HECW1: variants seen among roughly 807,000 people sequenced by gnomAD.
HECW1 encodes HECT, C2 and WW domain containing E3 ubiquitin protein ligase 1, also known as E3 ubiquitin-protein ligase HECW1.
In HECW1, 61 loss-of-function variants were observed where a neutral mutation model predicts 182.3. That is an observed-to-expected ratio of 0.33 (90% CI 0.27 to 0.41). HECW1 has a LOEUF of 0.41. Among genes scored for constraint, HECW1 ranks in the 10% least tolerant of loss-of-function variants. The pLI is 1.00. For synonymous variants in HECW1, 859 were observed against 832.6 expected, an observed-to-expected ratio of 1.03 and a Z score of -0.55; for missense variants, 1,739 against 2,108.9, an observed-to-expected ratio of 0.82 and a Z score of 3.44.
Position 43,500,798 on chromosome 7 carries a change from T to G in HECW1, c.3521+16T>G, listed in dbSNP as rs764585462. ...TTTTGCTGAGGTAGGGGGCTAGGCC[T>G]GAAATCCTTCTGGAAAAGCTTCCCT... is the stretch of plus-strand genomic sequence containing the variant. On this transcript the variant is annotated intron_variant, in intron 20 of 29. Transcript: ENST00000395891. 1 of 1,606,366 alleles carries G rather than the reference T, an allele frequency of 6.2e-7. No individual in the cohort carries two copies. The highest frequency in any genetic ancestry group is 1.1e-5 in the South Asian group (1 of 90,946).
At chr7:43,483,617 C>T (rs370269627) in intron 17 of HECW1, among the ~76,000 whole-genome samples, 38 of 146,330 alleles carry the variant, frequency 2.6e-4, no homozygotes, top group African/African-American at 8.6e-4. Flanking sequence ...GGTGCGATCT[C>T]GGCTCACTGC....
intron 2 of HECW1, among the ~76,000 whole-genome samples, chr7:43,143,843 T>C (rs1329710972): frequency 6.6e-6 from 1 of 152,182 alleles, no homozygotes. Context: ...AAGTTAGAAA[T>C]TTTTCCAGCT....
intron 2 of HECW1, among the ~76,000 whole-genome samples, chr7:43,157,947 C>T (rs1401050192): frequency 6.6e-6 from 1 of 152,192 alleles, no homozygotes; most frequent in African/African-American, 2.4e-5. Context: ...GGTCTGAGTC[C>T]TTGCTCCCCT....
intron 2 of HECW1, among the ~76,000 whole-genome samples, chr7:43,175,252 C>A (rs1304364564): frequency 4.6e-5 from 7 of 152,078 alleles, no homozygotes; most frequent in Non-Finnish European, 1.0e-4. Flanking sequence ...CGCACACTTA[C>A]CATTTTCTTG....
At chr7:43,190,682 C>T (rs13246891) in intron 2 of HECW1, among the ~76,000 whole-genome samples, 19,220 of 152,218 alleles carry the variant, frequency 0.13, 1,578 homozygotes, top group Non-Finnish European at 0.18. Flanking sequence ...ATGCTCTAAC[C>T]ATCCCAAATG....
intron 7 of HECW1, among the ~76,000 whole-genome samples, chr7:43,400,353 A>G (rs2075364543): frequency 6.6e-6 from 1 of 152,246 alleles, no homozygotes; most frequent in Non-Finnish European, 1.5e-5. Flanking sequence ...TCTGAGTATA[A>G]GAGCAGAGCT....
At chr7:43,307,911 T>G (rs1304574609) in intron 3 of HECW1, among the ~76,000 whole-genome samples, 1 of 138,846 alleles carries the variant, frequency 7.2e-6, no homozygotes, top group African/African-American at 2.7e-5. Flanking sequence ...TATATATATA[T>G]ATATATACAC....
At chr7:43,509,234 G>A in intron 24 of HECW1, 113 bp downstream of exon 24, 1 of 932,316 alleles carries the variant, frequency 1.1e-6, no homozygotes, top group Non-Finnish European at 1.6e-6. Context: ...CAGATGTTAT[G>A]AGGGATGAGA....
At chr7:43,550,696 CAGAG>C (rs1451227881) in intron 27 of HECW1, 105 bp downstream of exon 27, 1 of 1,203,574 alleles carries the variant, frequency 8.3e-7, no homozygotes, top group Admixed American at 2.2e-5. Context: ...GTGGTGAAAA[CAGAG>C]AGGGAGAGCC....
intron 6 of HECW1, among the ~76,000 whole-genome samples, chr7:43,376,438 T>G (rs1324917353): frequency 6.6e-6 from 1 of 152,174 alleles, no homozygotes; most frequent in Non-Finnish European, 1.5e-5. Context: ...CTCCAGGCCA[T>G]TGGACACCAT....
At position 43,405,275 on chromosome 7, in the gene HECW1, C is replaced by T. The variant is rs146868792; in HGVS notation, c.632-2287C>T. On this transcript the variant is annotated intron_variant, in intron 7 of 29. Coordinates refer to ENST00000395891, the MANE Select transcript of HECW1 (RefSeq NM_015052.5). ...GTTTTATATATATATGTCTTTCACA[C>T]TCTAATAAGTCAGGATCTCCAAGAT... 1.9e-3 allele frequency among the ~76,000 whole-genome samples: 295 copies of T among 152,286 alleles called. 1 individual carries two copies. Among genetic ancestry groups the T allele is most frequent in the East Asian group, 0.016 (82 of 5,190 alleles).
chr7:43,432,274 G>A lies in HECW1; in HGVS notation c.802-5729G>A, dbSNP rs1251299606. ...CCTGCCTCAGCCTCCCAAGTAGCTG[G>A]GACTACAGGCGCCCGCCACTACACC... On this transcript the variant is annotated intron_variant, in intron 8 of 29. Transcript: ENST00000395891. This position sits in a 1 kb window ranked among gnomAD's most constrained non-coding sequence, Gnocchi z 4.1. Among the ~76,000 whole-genome samples, 4 of 150,882 alleles carry A rather than the reference G, an allele frequency of 2.7e-5. No homozygotes were observed. The highest frequency in any genetic ancestry group is 2.1e-4 in the South Asian group (1 of 4,786).
At chr7:43,539,223 T>C (rs1031893827) in intron 24 of HECW1, among the ~76,000 whole-genome samples, 1 of 152,232 alleles carries the variant, frequency 6.6e-6, no homozygotes, top group African/African-American at 2.4e-5. Flanking sequence ...TAGTTTTCTT[T>C]CTTGTTGTAT....
At chr7:43,373,005 A>G (rs1471044686) in intron 6 of HECW1, among the ~76,000 whole-genome samples, 1 of 152,156 alleles carries the variant, frequency 6.6e-6, no homozygotes, top group African/African-American at 2.4e-5. Flanking sequence ...TGATTTAATT[A>G]AATCCAGAGA....
chr7:43,519,463 C>T lies in HECW1; in HGVS notation c.4019+10342C>T, dbSNP rs560402363. ...GTTTCACTATTTTGGCCAGGCTGGT[C>T]TCAAACTCCTGACTTCATGATTGGC... On this transcript the variant is annotated intron_variant, in intron 24 of 29. Coordinates refer to ENST00000395891, the MANE Select transcript of HECW1 (RefSeq NM_015052.5). Among the ~76,000 whole-genome samples, 4 of 152,302 alleles carry T rather than the reference C, an allele frequency of 2.6e-5. No individual in the cohort carries two copies. The South Asian group carries it at 8.3e-4, about 32-fold the overall frequency.
intron 5 of HECW1, among the ~76,000 whole-genome samples, chr7:43,337,061 T>C (rs1812387164): frequency 6.6e-6 from 1 of 152,220 alleles, no homozygotes; most frequent in East Asian, 1.9e-4. Context: ...AGGTACCTAG[T>C]AGTGGGTTTG....
intron 3 of HECW1, among the ~76,000 whole-genome samples, chr7:43,271,517 G>A (rs970057095): frequency 2.0e-5 from 3 of 152,124 alleles, no homozygotes; most frequent in African/African-American, 4.8e-5. Context: ...AGGTTGTAGG[G>A]TACAAAATCA....
At chr7:43,284,578 A>G (rs766153060) in intron 3 of HECW1, among the ~76,000 whole-genome samples, 1 of 151,714 alleles carries the variant, frequency 6.6e-6, no homozygotes, top group Admixed American at 6.6e-5. Context: ...TCCCTTGTCA[A>G]TTTTCAAGAT....
intron 6 of HECW1, among the ~76,000 whole-genome samples, chr7:43,380,784 C>T (rs1584704557): frequency 6.6e-6 from 1 of 152,286 alleles, no homozygotes; most frequent in Non-Finnish European, 1.5e-5. Flanking sequence ...CTGCCTCGGC[C>T]TCCTGAAGTG....
Sources: gnomAD v4.1 joint callset for allele counts (sites outside exome capture counted in the v4.1 genomes callset) on GRCh38, gnomAD v4.1.1 for gene constraint, Gnocchi (gnomAD v3.1) non-coding constraint, MANE v1.5 for transcripts, NCBI Gene and HGNC (gene_info 2026-07-23, HGNC 2026-07-21) for gene names.